The following ANKS1B variants were observed in gnomAD, a reference collection of about 807,000 sequenced individuals.
ANKS1B encodes ankyrin repeat and sterile alpha motif domain-containing protein 1B.
A neutral mutation model predicts 148.3 loss-of-function variants in ANKS1B; 36 were observed. That is an observed-to-expected ratio of 0.24 (90% CI 0.19 to 0.32). ANKS1B has a LOEUF of 0.32. Among genes scored for constraint, ANKS1B ranks in the 10% least tolerant of loss-of-function variants. The pLI is 1.00. For missense variants in ANKS1B, 1,157 were observed against 1,542.6 expected, an observed-to-expected ratio of 0.75 and a Z score of 4.19; for synonymous variants, 542 against 560.8, an observed-to-expected ratio of 0.97 and a Z score of 0.47.
At chr12:99,585,896 T>G (rs547775303) in intron 9 of ANKS1B, among the ~76,000 whole-genome samples, 1 of 152,230 alleles carries the variant, frequency 6.6e-6, no homozygotes, top group African/African-American at 2.4e-5. Flanking sequence ...ATGAAATCAT[T>G]TTTTCCTCCT....
At chr12:98,929,550 A>T (rs1363424553) in intron 17 of ANKS1B, among the ~76,000 whole-genome samples, 6 of 152,106 alleles carry the variant, frequency 3.9e-5, no homozygotes, top group Admixed American at 3.9e-4. Context: ...ACAGTTATCA[A>T]GACAGTATAA....
chr12:99,720,269 C>T (rs2057939089), intron 8 of ANKS1B, among the ~76,000 whole-genome samples: 1 of 152,220 alleles, frequency 6.6e-6, no homozygotes, highest in Non-Finnish European at 1.5e-5. Flanking sequence ...ACTTTACTCA[C>T]ATGCCCCGAG....
chr12:99,633,564 A>G (rs1161031854), intron 9 of ANKS1B, among the ~76,000 whole-genome samples: 1 of 152,214 alleles, frequency 6.6e-6, no homozygotes, highest in Non-Finnish European at 1.5e-5. Context: ...ACCATTCAGG[A>G]CATAGGCATG....
At chr12:98,906,453 C>T (rs1319976359) in intron 17 of ANKS1B, among the ~76,000 whole-genome samples, 1 of 152,152 alleles carries the variant, frequency 6.6e-6, no homozygotes. Flanking sequence ...ACAGATGCCA[C>T]TGGAAGCTGC....
intron 10 of ANKS1B, among the ~76,000 whole-genome samples, chr12:99,494,665 G>A (rs921021051): frequency 4.7e-4 from 69 of 146,484 alleles, no homozygotes; most frequent in African/African-American, 1.4e-3. Context: ...CCTGGGAGGC[G>A]GAGCTTGTAG....
intron 17 of ANKS1B, among the ~76,000 whole-genome samples, chr12:99,042,245 G>A (rs1211473455): frequency 3.3e-5 from 5 of 152,148 alleles, no homozygotes; most frequent in African/African-American, 7.2e-5. Flanking sequence ...TTGGCCAAGT[G>A]TTGGCAGATG....
chr12:99,754,334 C>T lies in ANKS1B; in HGVS notation c.1128+18588G>A, dbSNP rs1393059454. On this transcript the variant is annotated intron_variant, in intron 8 of 26. Coordinates refer to ENST00000683438, the MANE Select transcript of ANKS1B (RefSeq NM_001352186.2). Reference sequence around the variant, plus strand: ...ATCCTAAATATATATGCACCCAACACAGGAGGAAGCAGATTCTTAAATCAA... The same window carrying T: ...ATCCTAAATATATATGCACCCAACATAGGAGGAAGCAGATTCTTAAATCAA... Among the ~76,000 whole-genome samples, 4 of 152,100 alleles carry T rather than the reference C, an allele frequency of 2.6e-5. No homozygotes were observed. The East Asian group carries it at 7.7e-4, about 29-fold the overall frequency.
intron 1 of ANKS1B, among the ~76,000 whole-genome samples, chr12:99,921,214 G>A (rs1174964411): frequency 6.6e-6 from 1 of 152,118 alleles, no homozygotes. Context: ...GATCATGGGG[G>A]TGGTTTCCCC....
At chr12:99,382,195 G>A (rs962404306) in intron 12 of ANKS1B, among the ~76,000 whole-genome samples, 2 of 152,132 alleles carry the variant, frequency 1.3e-5, no homozygotes, top group Admixed American at 6.5e-5. Flanking sequence ...AAGCAAAACT[G>A]CTTTAACGAA....
At chr12:99,295,891 G>C (rs2080804413) in intron 12 of ANKS1B, among the ~76,000 whole-genome samples, 2 of 152,086 alleles carry the variant, frequency 1.3e-5, no homozygotes, top group South Asian at 4.1e-4. Flanking sequence ...AGTTTGCTAA[G>C]GTGTCATTTT....
intron 15 of ANKS1B, among the ~76,000 whole-genome samples, chr12:99,121,692 A>C (rs2062935630): frequency 6.6e-6 from 1 of 152,176 alleles, no homozygotes; most frequent in African/African-American, 2.4e-5. Flanking sequence ...CCACGGGATG[A>C]ACAGTGGCTG....
intron 19 of ANKS1B, among the ~76,000 whole-genome samples, chr12:98,810,537 T>G (rs961223193): frequency 1.3e-5 from 2 of 152,204 alleles, no homozygotes. Context: ...ATGGCCATCT[T>G]GCAGGCTGTA....
At chr12:99,102,224 A>G (rs1446926394) in intron 15 of ANKS1B, among the ~76,000 whole-genome samples, 3 of 152,172 alleles carry the variant, frequency 2.0e-5, no homozygotes, top group Admixed American at 6.5e-5. Flanking sequence ...TTGGTAAAAT[A>G]CAGCAGCTCA....
chr12:98,823,689 G>A (rs1206079477), intron 19 of ANKS1B, among the ~76,000 whole-genome samples: 3 of 152,174 alleles, frequency 2.0e-5, no homozygotes, highest in South Asian at 2.1e-4. Context: ...ACGGGGTTTC[G>A]CCATGTTGGC....
Position 98,751,251 on chromosome 12 carries a change from A to G in ANKS1B, c.3747+104T>C, listed in dbSNP as rs1347909525. 5 of 1,173,834 alleles carry G rather than the reference A, an allele frequency of 4.3e-6. No individual in the cohort carries two copies. The highest frequency in any genetic ancestry group is 4.8e-6 in the Non-Finnish European group (4 of 840,850). The allele number at this position is 1,173,834 out of a possible 1,614,324, so 72.7% of individuals were successfully genotyped here. ...GAGGCCAAGGGAAAGGATGAAGAAG[A>G]GGCCCTGGGTTCTAATGGCACCCAC... On this transcript the variant is annotated intron_variant, in intron 26 of 26. Transcript: ENST00000683438. This position sits in a 1 kb window ranked among gnomAD's most constrained non-coding sequence, Gnocchi z 4.3.
chr12:99,714,305 G>A (rs1368625449), intron 8 of ANKS1B, among the ~76,000 whole-genome samples: 1 of 152,134 alleles, frequency 6.6e-6, no homozygotes, highest in Non-Finnish European at 1.5e-5. Context: ...AGTAATCCAG[G>A]ATAATCTCAA....
At chr12:99,144,262 A>G (rs556665722) in intron 15 of ANKS1B, among the ~76,000 whole-genome samples, 1 of 152,204 alleles carries the variant, frequency 6.6e-6, no homozygotes, top group South Asian at 2.1e-4. Flanking sequence ...TTATTTAGGT[A>G]CTGGAAGAGG....
At chr12:99,476,905 C>G (rs1299737955) in intron 10 of ANKS1B, among the ~76,000 whole-genome samples, 1 of 152,098 alleles carries the variant, frequency 6.6e-6, no homozygotes, top group Admixed American at 6.6e-5. Flanking sequence ...TCAAAGACCA[C>G]TCACATGGTT....
At chr12:99,962,907 G>A (rs1042841318) in intron 1 of ANKS1B, among the ~76,000 whole-genome samples, 4 of 145,660 alleles carry the variant, frequency 2.7e-5, no homozygotes, top group Admixed American at 2.2e-4. Flanking sequence ...TCCGCCTCCC[G>A]GGCTCACGCC....
Sources: gnomAD v4.1 joint callset for allele counts (sites outside exome capture counted in the v4.1 genomes callset) on GRCh38, gnomAD v4.1.1 for gene constraint, Gnocchi (gnomAD v3.1) non-coding constraint, MANE v1.5 for transcripts, NCBI Gene and HGNC (gene_info 2026-07-23, HGNC 2026-07-21) for gene names.